CREBL2: variants seen among roughly 807,000 people sequenced by gnomAD.
CREBL2 encodes the protein cAMP responsive element binding protein like 2.
CREBL2 carries 4 observed loss-of-function variants against 19.5 expected under a neutral mutation model. That is an observed-to-expected ratio of 0.20 (90% CI 0.10 to 0.47). CREBL2 has a LOEUF of 0.47. Ranked by LOEUF, CREBL2 falls within the 20% of genes least tolerant of loss-of-function variation. The pLI, the probability that CREBL2 is intolerant of heterozygous loss-of-function variation, is 0.98. For synonymous variants in CREBL2, 42 were observed against 46.6 expected, an observed-to-expected ratio of 0.90 and a Z score of 0.40; for missense variants, 85 against 145.1, an observed-to-expected ratio of 0.59 and a Z score of 2.13.
At chr12:12,630,263 A>G (rs1034806133) in intron 1 of CREBL2, among the ~76,000 whole-genome samples, 6 of 151,870 alleles carry the variant, frequency 4.0e-5, no homozygotes, top group African/African-American at 1.5e-4. Flanking sequence ...TTTATTACTG[A>G]TTGTGTCTTG....
chr12:12,632,895 TTA>T (rs377143239), intron 1 of CREBL2, among the ~76,000 whole-genome samples: 1 of 150,046 alleles, frequency 6.7e-6, no homozygotes, highest in Non-Finnish European at 1.5e-5. Flanking sequence ...TTCATTATTT[TTA>T]TATATATATA....
At chr12:12,630,078 T>C (rs1945432237) in intron 1 of CREBL2, among the ~76,000 whole-genome samples, 1 of 152,186 alleles carries the variant, frequency 6.6e-6, no homozygotes, top group African/African-American at 2.4e-5. Flanking sequence ...TCTTCTGATA[T>C]CTTTGGTTTT....
intron 1 of CREBL2, among the ~76,000 whole-genome samples, chr12:12,627,212 A>T (rs948564071): frequency 6.6e-6 from 1 of 152,240 alleles, no homozygotes; most frequent in Non-Finnish European, 1.5e-5. Context: ...TAGTTCATCA[A>T]TTATAATAAA....
At chr12:12,617,232 G>A (rs926516586) in intron 1 of CREBL2, among the ~76,000 whole-genome samples, 13 of 152,046 alleles carry the variant, frequency 8.6e-5, no homozygotes, top group Non-Finnish European at 1.5e-4. Context: ...TGATGTACTC[G>A]GGCTTTATTA....
chr12:12,612,736 G>T (rs1297829080), intron 1 of CREBL2, among the ~76,000 whole-genome samples: 1 of 152,076 alleles, frequency 6.6e-6, no homozygotes, highest in Non-Finnish European at 1.5e-5. Context: ...AAAAAATACT[G>T]ATTTTCCTCT....
intron 1 of CREBL2, among the ~76,000 whole-genome samples, chr12:12,617,975 C>T (rs1197645279): frequency 1.1e-4 from 17 of 151,982 alleles, no homozygotes; most frequent in Admixed American, 5.2e-4. Context: ...TCAGAGAGCA[C>T]GGGGTTGGGG....
intron 1 of CREBL2, among the ~76,000 whole-genome samples, chr12:12,624,460 G>A (rs1406652298): frequency 1.3e-5 from 2 of 152,152 alleles, no homozygotes; most frequent in Non-Finnish European, 2.9e-5. Flanking sequence ...ACCCTTTCAC[G>A]GGACTCACAA....
chr12:12,641,971 C>A (rs200274326), intron 3 of CREBL2, 23 bp from the exon 4 acceptor site: 1 of 1,521,774 alleles, frequency 6.6e-7, no homozygotes, highest in Non-Finnish European at 9.1e-7. Context: ...AACATTCTTA[C>A]ATTGGTAACT....
At chr12:12,641,566 C>T (rs551349637) in intron 3 of CREBL2, among the ~76,000 whole-genome samples, 10 of 152,130 alleles carry the variant, frequency 6.6e-5, no homozygotes, top group African/African-American at 2.4e-4. Context: ...GCCTTGGCCT[C>T]CCAAAGTGCT....
chr12:12,618,635 C>T (rs1014739881), intron 1 of CREBL2, among the ~76,000 whole-genome samples: 6 of 152,202 alleles, frequency 3.9e-5, no homozygotes, highest in South Asian at 4.2e-4. Flanking sequence ...GGGTGGCGGC[C>T]GGGCAGAGGC....
chr12:12,642,099 G>T lies in CREBL2; in HGVS notation c.*101G>T, dbSNP rs1374151401. ...TTCTTGGCTCCATTTACTACCTACT[G>T]CTCAGTAGTCATCTCTGTAAATCTG... On this transcript the variant is annotated 3_prime_UTR_variant, in exon 4 of 4. Coordinates refer to ENST00000228865, the MANE Select transcript of CREBL2 (RefSeq NM_001310.4). 10 of 781,014 alleles carry T rather than the reference G, an allele frequency of 1.3e-5. No homozygotes were observed. Among genetic ancestry groups the T allele is most frequent in the Non-Finnish European group, 1.8e-5 (9 of 488,466 alleles). The allele number at this position is 781,014 out of a possible 1,614,324, so 48.4% of individuals were successfully genotyped here.
chr12:12,642,057 G>A lies in CREBL2; in HGVS notation c.*59G>A. The A allele has an allele frequency of 7.2e-7, 1 of 1,388,506 alleles. No individual in the cohort carries two copies. 86.0% of individuals were successfully genotyped at this position (1,388,506 alleles called of 1,614,324 possible). ...AATATTCTGATTCCCATGGAAGATG[G>A]ATGGGCAAGAGTGTACTTCTTGGCT... On this transcript the variant is annotated 3_prime_UTR_variant, in exon 4 of 4. Transcript: ENST00000228865.
intron 1 of CREBL2, among the ~76,000 whole-genome samples, chr12:12,628,310 T>A (rs1250285611): frequency 6.6e-6 from 1 of 152,174 alleles, no homozygotes. Context: ...TTTGTATATC[T>A]TCTTTGGAGG....
intron 1 of CREBL2, among the ~76,000 whole-genome samples, chr12:12,619,676 A>T (rs1014402184): frequency 6.6e-6 from 1 of 152,144 alleles, no homozygotes; most frequent in South Asian, 2.1e-4. Flanking sequence ...GAAATGTGTT[A>T]TTTTCAGAGG....
chr12:12,614,794 C>T (rs1465841241), intron 1 of CREBL2: 2 of 385,450 alleles, frequency 5.2e-6, no homozygotes, highest in East Asian at 1.5e-4. Flanking sequence ...ACAATGCCAA[C>T]AGAATGCTGG....
intron 1 of CREBL2, among the ~76,000 whole-genome samples, chr12:12,625,079 G>A (rs983905824): frequency 2.6e-5 from 4 of 152,128 alleles, no homozygotes; most frequent in Non-Finnish European, 2.9e-5. Context: ...TACCAGTCTC[G>A]TCTGGGGGTT....
intron 1 of CREBL2, among the ~76,000 whole-genome samples, chr12:12,632,231 C>G (rs971277164): frequency 4.0e-5 from 6 of 150,948 alleles, no homozygotes; most frequent in Non-Finnish European, 8.9e-5. Flanking sequence ...GCGCCCGCCA[C>G]TACGCCCGGC....
chr12:12,639,922 A>G lies in CREBL2; in HGVS notation c.359-2072A>G, dbSNP rs191783132. ...AGATCACATGCTTCAAAGGGCAAAA[A>G]GCAGAGCCACTAATAAGGGTCTAAC... On this transcript the variant is annotated intron_variant, in intron 3 of 3. Coordinates refer to ENST00000228865, the MANE Select transcript of CREBL2 (RefSeq NM_001310.4). 3.8e-3 allele frequency among the ~76,000 whole-genome samples: 577 copies of G among 152,314 alleles called. 2 individuals carry two copies. Among genetic ancestry groups the G allele is most frequent in the African/African-American group, 0.013 (526 of 41,556 alleles).
Position 12,632,068 on chromosome 12 carries a change from C to CTTTTTTTTTTTTTTTTT in CREBL2, c.16-3698_16-3682dup, listed in dbSNP as rs869253910. On this transcript the variant is annotated intron_variant, in intron 1 of 3. Coordinates refer to ENST00000228865, the MANE Select transcript of CREBL2 (RefSeq NM_001310.4). ...CCTTGGATTCATATACTATGCCTTT[C>CTTTTTTTTTTTTTTTTT]TTTTTTTTTTTTTTTTTTTTTTTTT... Among the ~76,000 whole-genome samples the CTTTTTTTTTTTTTTTTT allele has an allele frequency of 2.6e-4, 21 of 80,596 alleles. 2 individuals carry two copies. The highest frequency in any genetic ancestry group is 9.8e-4 in the African/African-American group (19 of 19,384). 52.9% of individuals were successfully genotyped at this position (80,596 alleles called of 152,430 possible). A position where few individuals can be genotyped will look rare whatever the true frequency, so the allele number is the denominator to read the frequency against.
Sources: gnomAD v4.1 joint callset for allele counts (sites outside exome capture counted in the v4.1 genomes callset) on GRCh38, gnomAD v4.1.1 for gene constraint, MANE v1.5 for transcripts, NCBI Gene and HGNC (gene_info 2026-07-23, HGNC 2026-07-21) for gene names.